Variants in CFAP54 observed in about 807,000 individuals in gnomAD.
CFAP54 encodes cilia- and flagella-associated protein 54.
Under a neutral mutation model 370.4 loss-of-function variants are expected in CFAP54, and 290 were observed. The observed-to-expected ratio is 0.78, with a 90% confidence interval of 0.71 to 0.86. The LOEUF is 0.86. Ranked by LOEUF, CFAP54 falls within the 40% of genes least tolerant of loss-of-function variation. The pLI is 0.00. For missense variants in CFAP54, 3,399 were observed against 3,528.7 expected, an observed-to-expected ratio of 0.96 and a Z score of 0.93; for synonymous variants, 1,206 against 1,236.5, an observed-to-expected ratio of 0.98 and a Z score of 0.52.
Position 96,720,389 on chromosome 12 carries a change from G to T in CFAP54, c.6805-16G>T. The T allele has an allele frequency of 1.4e-6, 2 of 1,445,822 alleles. No homozygotes were observed. The highest frequency in any genetic ancestry group is 3.1e-5 in the South Asian group (2 of 64,968). 89.6% of individuals were successfully genotyped at this position (1,445,822 alleles called of 1,614,324 possible). Reference sequence around the variant, plus strand: ...TTATTTCTGAACTCACGTGATGTATGGTATCCTTTCCTTAGTCGATGTTAC... The same window carrying T: ...TTATTTCTGAACTCACGTGATGTATTGTATCCTTTCCTTAGTCGATGTTAC... On this transcript the variant is annotated splice_polypyrimidine_tract_variant and intron_variant, in intron 49 of 67. Transcript: ENST00000524981.
intron 63 of CFAP54, among the ~76,000 whole-genome samples, chr12:96,802,572 C>T (rs946264113): frequency 2.0e-5 from 3 of 152,168 alleles, no homozygotes; most frequent in Non-Finnish European, 2.9e-5. Flanking sequence ...ACCCATATGA[C>T]ACCAGCTGCC....
At chr12:96,814,800 G>A (rs183547764) in intron 64 of CFAP54, among the ~76,000 whole-genome samples, 2 of 152,240 alleles carry the variant, frequency 1.3e-5, no homozygotes, top group African/African-American at 4.8e-5. Context: ...GTGAGAACAT[G>A]CAGGGTTTGG....
chr12:96,731,324 A>T (rs1208560709), intron 50 of CFAP54, among the ~76,000 whole-genome samples: 1 of 152,358 alleles, frequency 6.6e-6, no homozygotes, highest in East Asian at 1.9e-4. Flanking sequence ...TATGGGAAAT[A>T]TGCCTAGGTA....
At chr12:96,798,471 G>T (rs1241004606) in intron 63 of CFAP54, among the ~76,000 whole-genome samples, 1 of 151,944 alleles carries the variant, frequency 6.6e-6, no homozygotes, top group Non-Finnish European at 1.5e-5. Context: ...TTAAGCCGTT[G>T]CTGCTTTGGA....
chr12:96,592,235 A>G (rs76771236), intron 23 of CFAP54, among the ~76,000 whole-genome samples: 3,873 of 152,308 alleles, frequency 0.025, 61 homozygotes, highest in Non-Finnish European at 0.04. Context: ...TGATTTTGTT[A>G]TCTTGATAAA....
intron 26 of CFAP54, among the ~76,000 whole-genome samples, chr12:96,606,071 A>G (rs1956297050): frequency 6.6e-6 from 1 of 152,184 alleles, no homozygotes; most frequent in African/African-American, 2.4e-5. Flanking sequence ...AAAAACAAAC[A>G]TACGCATAAA....
intron 15 of CFAP54, among the ~76,000 whole-genome samples, chr12:96,550,637 G>A: frequency 6.6e-6 from 1 of 152,226 alleles, no homozygotes; most frequent in Admixed American, 6.6e-5. Flanking sequence ...TAGCAAAATG[G>A]CAAGATGAGC....
intron 67 of CFAP54, among the ~76,000 whole-genome samples, chr12:96,874,367 T>G (rs533326784): frequency 1.0e-3 from 152 of 152,340 alleles, no homozygotes; most frequent in African/African-American, 3.3e-3. Flanking sequence ...TTGCAATTCA[T>G]GAATCAGGGA....
rs962846153 is a variant in CFAP54, at chr12:96,631,963, T to C, written c.4316+1312T>C. ...TTGCTAAGTTGCTCTTAAATTTGTATCAATGTTGTGAAAAATTTCTGTTAT... is the reference window on the plus strand; with the variant it reads ...TTGCTAAGTTGCTCTTAAATTTGTACCAATGTTGTGAAAAATTTCTGTTAT... On this transcript the variant is annotated intron_variant, in intron 32 of 67. Coordinates refer to ENST00000524981, the MANE Select transcript of CFAP54 (RefSeq NM_001306084.2). Among the ~76,000 whole-genome samples, 4 of 151,836 alleles carry C rather than the reference T, an allele frequency of 2.6e-5. No individual in the cohort carries two copies. The East Asian group carries it at 5.8e-4, about 22-fold the overall frequency.
At position 96,536,509 on chromosome 12, in the gene CFAP54, A is replaced by T. The variant is rs567726967; in HGVS notation, c.1791+909A>T. Among the ~76,000 whole-genome samples the T allele has an allele frequency of 7.2e-5, 11 of 152,314 alleles. No homozygotes were observed. The South Asian group carries it at 2.3e-3, about 32-fold the overall frequency. On this transcript the variant is annotated intron_variant, in intron 12 of 67. Transcript: ENST00000524981. ...TGACAGGTATTTAATTTTTGAAAGA[A>T]AGGTGTTTGGCAGTAAATAAATTAT...
At chr12:96,826,634 T>G (rs1356280777) in intron 65 of CFAP54, among the ~76,000 whole-genome samples, 2 of 108,036 alleles carry the variant, frequency 1.9e-5, no homozygotes, top group Non-Finnish European at 3.3e-5. Context: ...TGTTATATAT[T>G]AAATATAGTA....
At chr12:96,661,107 A>G (rs1956990338) in intron 38 of CFAP54, among the ~76,000 whole-genome samples, 1 of 151,968 alleles carries the variant, frequency 6.6e-6, no homozygotes, top group Non-Finnish European at 1.5e-5. Flanking sequence ...ATGGAAGCAT[A>G]ATTGATTAAA....
In CFAP54 at chr12:96,534,194, A is replaced by G. The variant is rs2160501; in HGVS notation, c.1672A>G (p.Thr558Ala). ...PLENYKEGQS[T>A]QIYLKKIAVH... ...GGAAAACTATAAAGAAGGACAGTCAACTCAAATTTATTTAAAAAAAATTGC... is the reference window on the plus strand; with the variant it reads ...GGAAAACTATAAAGAAGGACAGTCAGCTCAAATTTATTTAAAAAAAATTGC... The change falls in exon 11 of 68, where the codon ACT (threonine) becomes GCT (alanine). Residue 558 changes from threonine to alanine, a missense_variant. Thr to Ala is a moderately conservative substitution (Grantham distance 58). Transcript: ENST00000524981. 625,051 of 1,447,700 alleles carry G rather than the reference A, an allele frequency of 0.43. 139,997 individuals are homozygous for G. Among genetic ancestry groups the G allele is most frequent in the South Asian group, 0.46 (35,641 of 77,236 alleles). 89.7% of individuals were successfully genotyped at this position (1,447,700 alleles called of 1,614,324 possible).
chr12:96,814,287 CT>C (rs1414639874), intron 64 of CFAP54, among the ~76,000 whole-genome samples: 1 of 152,188 alleles, frequency 6.6e-6, no homozygotes, highest in Non-Finnish European at 1.5e-5. Flanking sequence ...CATGTGGTTA[CT>C]TGTGGTTAAG....
Position 96,685,149 on chromosome 12 carries a change from G to A in CFAP54, c.5925G>A (p.Pro1975=), listed in dbSNP as rs746247629. The change falls in exon 42 of 68, where the codon CCG becomes CCA. Residue 1975 remains proline, a synonymous_variant. Coordinates refer to ENST00000524981, the MANE Select transcript of CFAP54 (RefSeq NM_001306084.2). ...ATGTCACCAACAGTCATTCACCTCC[G>A]GGTTTCAAAGACTACAGTGAGGAGT... is the stretch of plus-strand genomic sequence containing the variant. ...LTNVTNSHSP[P]GFKDYSEEFL... 25 of 1,613,942 alleles carry A rather than the reference G, an allele frequency of 1.5e-5. No individual in the cohort carries two copies. The highest frequency in any genetic ancestry group is 5.3e-5 in the African/African-American group (4 of 74,898).
chr12:96,699,651 TA>T (rs1232126586), intron 45 of CFAP54, among the ~76,000 whole-genome samples: 2 of 152,072 alleles, frequency 1.3e-5, no homozygotes, highest in East Asian at 1.9e-4. Context: ...AAAAAATCAT[TA>T]AAAAAACTTT....
At chr12:96,588,185 G>A (rs555547702) in intron 22 of CFAP54, among the ~76,000 whole-genome samples, 54 of 151,922 alleles carry the variant, frequency 3.6e-4, no homozygotes, top group African/African-American at 1.3e-3. Context: ...GGGATGAAAT[G>A]TCTACTTTTT....
chr12:96,521,743 C>T (rs1279586032), intron 6 of CFAP54, 114 bp from the exon 7 acceptor site: 3 of 733,808 alleles, frequency 4.1e-6, no homozygotes, highest in East Asian at 5.4e-5. Context: ...CAGCATTAAC[C>T]TAGAGCTTAA....
At chr12:96,797,228 AT>A (rs923156258) in intron 63 of CFAP54, among the ~76,000 whole-genome samples, 13 of 148,942 alleles carry the variant, frequency 8.7e-5, no homozygotes, top group Admixed American at 3.4e-4. Flanking sequence ...TTGAAACTCG[AT>A]TTTTTTTTTC....
Sources: gnomAD v4.1 joint callset for allele counts (sites outside exome capture counted in the v4.1 genomes callset) on GRCh38, gnomAD v4.1.1 for gene constraint, MANE v1.5 for transcripts, NCBI Gene and HGNC (gene_info 2026-07-23, HGNC 2026-07-21) for gene names.